The following TBL1X variants were observed in gnomAD, a reference collection of about 807,000 sequenced individuals.
The protein encoded by TBL1X is transducin beta like 1 X-linked, also known as F-box-like/WD repeat-containing protein TBL1X.
In TBL1X, 10 loss-of-function variants were observed where a neutral mutation model predicts 50.7. The observed-to-expected ratio is 0.20, with a 90% CI of 0.12 to 0.33. TBL1X has a LOEUF of 0.33. Among genes scored for constraint, TBL1X ranks in the 10% least tolerant of loss-of-function variants. The probability of loss-of-function intolerance (pLI) is 1.00; values close to 1 mark genes in which losing one functional copy is unlikely to be tolerated. For missense variants in TBL1X, 340 were observed against 504.4 expected (o/e 0.67, Z 3.12); for synonymous variants, 190 against 214.7 (o/e 0.88, Z 1.01).
chrX:9,470,696 A>G (rs1211884260), intron 1 of TBL1X, among the ~76,000 whole-genome samples: 1 of 111,595 alleles, frequency 9.0e-6, no homozygotes, highest in Admixed American at 9.5e-5. Flanking sequence ...GTGCAGTGGC[A>G]TGATCTCTCC....
intron 3 of TBL1X, among the ~76,000 whole-genome samples, chrX:9,650,203 C>T (rs1435428293): frequency 2.7e-5 from 3 of 112,669 alleles, no homozygotes; most frequent in Non-Finnish European, 5.6e-5. Context: ...CTCTAAAGAG[C>T]AATGGTTCTC....
intron 5 of TBL1X, among the ~76,000 whole-genome samples, chrX:9,678,416 C>T (rs752064980): frequency 2.7e-5 from 3 of 112,231 alleles, no homozygotes; most frequent in Non-Finnish European, 5.6e-5. Flanking sequence ...ACTTTATTTA[C>T]ACACACTGGC....
chrX:9,531,670 C>T (rs751349079), intron 2 of TBL1X, among the ~76,000 whole-genome samples: 6 of 109,833 alleles, frequency 5.5e-5, no homozygotes, highest in Non-Finnish European at 1.1e-4. Flanking sequence ...TTTGGGAGGC[C>T]GAGGCGGGAG....
intron 2 of TBL1X, among the ~76,000 whole-genome samples, chrX:9,568,802 G>T (rs2082366895): frequency 9.2e-6 from 1 of 108,404 alleles, no homozygotes; most frequent in South Asian, 4.1e-4. Context: ...TGTCTGGTGT[G>T]CTCTCTGTAT....
At chrX:9,706,515 C>CCAT (rs1315790926) in intron 13 of TBL1X, among the ~76,000 whole-genome samples, 1 of 110,789 alleles carries the variant, frequency 9.0e-6, no homozygotes, top group Non-Finnish European at 1.9e-5. Context: ...AGGCATATGG[C>CCAT]CATCAAACAC....
At chrX:9,672,214 G>T (rs776652026) in intron 5 of TBL1X, among the ~76,000 whole-genome samples, 5 of 112,000 alleles carry the variant, frequency 4.5e-5, no homozygotes, top group Non-Finnish European at 9.4e-5. Flanking sequence ...GTGACGATGT[G>T]AAAATGTCTA....
chrX:9,636,485 A>AAAC (rs60010378), intron 2 of TBL1X: 33,459 of 101,398 alleles, frequency 0.33, 4,539 homozygotes, highest in East Asian at 0.77. Flanking sequence ...AAACAAAGCA[A>AAAC]AACAACAACA....
At chrX:9,468,368 G>C (rs1206255168) in intron 1 of TBL1X, among the ~76,000 whole-genome samples, 2 of 112,425 alleles carry the variant, frequency 1.8e-5, no homozygotes, top group Non-Finnish European at 3.8e-5. Flanking sequence ...TTTGAAGGGA[G>C]CATTTGCCAA....
At chrX:9,671,038 C>G (rs752003129) in intron 5 of TBL1X, among the ~76,000 whole-genome samples, 9 of 112,014 alleles carry the variant, frequency 8.0e-5, no homozygotes, top group Non-Finnish European at 1.5e-4. Context: ...ACAGTAATGT[C>G]TCATGCTTTG....
intron 2 of TBL1X, among the ~76,000 whole-genome samples, chrX:9,522,128 C>A (rs1268481858): frequency 9.2e-6 from 1 of 108,449 alleles, no homozygotes; most frequent in Non-Finnish European, 1.9e-5. Flanking sequence ...AGCGATCCTC[C>A]CACTTCAGCC....
intron 1 of TBL1X, among the ~76,000 whole-genome samples, chrX:9,469,689 G>GACC (rs1161179017): frequency 8.9e-6 from 1 of 112,110 alleles, no homozygotes; most frequent in African/African-American, 3.2e-5. Flanking sequence ...AGATTGGTGT[G>GACC]ACCACCATCA....
intron 5 of TBL1X, among the ~76,000 whole-genome samples, chrX:9,665,503 A>ATATATATATATG (rs2082923672): frequency 3.5e-5 from 1 of 28,531 alleles, no homozygotes; most frequent in Non-Finnish European, 6.4e-5. Flanking sequence ...ATATATATAT[A>ATATATATATATG]TATATATATA....
chrX:9,600,393 C>T (rs952266638), intron 2 of TBL1X, among the ~76,000 whole-genome samples: 3 of 96,811 alleles, frequency 3.1e-5, no homozygotes, highest in Non-Finnish European at 4.0e-5. Flanking sequence ...CCCTCATGAC[C>T]GCATTACCTC....
chrX:9,474,395 A>C (rs1019183231), intron 1 of TBL1X, among the ~76,000 whole-genome samples: 4 of 113,176 alleles, frequency 3.5e-5, no homozygotes, highest in Non-Finnish European at 7.5e-5. Context: ...TTCAGCTACT[A>C]AGGTATGTGT....
Position 9,716,200 on chromosome X carries a change from T to G in TBL1X, c.1708-20T>G. ...TTGTATTGTCTCTCAAGATGACAGG[T>G]GCTTTATCTTTCCTTCCAGGTGTGT... On this transcript the variant is annotated intron_variant, in intron 17 of 17. Coordinates refer to ENST00000645353, the MANE Select transcript of TBL1X (RefSeq NM_005647.4). 2 of 1,209,864 alleles carry G rather than the reference T, an allele frequency of 1.7e-6. No individual in the cohort carries two copies. Among genetic ancestry groups the G allele is most frequent in the Non-Finnish European group, 2.2e-6 (2 of 893,938 alleles).
intron 2 of TBL1X, among the ~76,000 whole-genome samples, chrX:9,527,770 C>T (rs1474881740): frequency 9.1e-6 from 1 of 110,486 alleles, no homozygotes; most frequent in Non-Finnish European, 1.9e-5. Context: ...CACTGTTCCG[C>T]CACCATCACC....
intron 5 of TBL1X, among the ~76,000 whole-genome samples, chrX:9,657,787 GA>G (rs918003380): frequency 8.9e-6 from 1 of 112,616 alleles, no homozygotes; most frequent in African/African-American, 3.2e-5. Flanking sequence ...TCTGAAAGAG[GA>G]AACTGGTTAA....
chrX:9,491,401 C>G (rs1210094645), intron 1 of TBL1X, among the ~76,000 whole-genome samples: 3 of 93,996 alleles, frequency 3.2e-5, no homozygotes, highest in Non-Finnish European at 6.2e-5. Context: ...AGTGTAGTGG[C>G]ATGATCTCGG....
intron 2 of TBL1X, among the ~76,000 whole-genome samples, chrX:9,513,526 A>G (rs1473460568): frequency 8.9e-6 from 1 of 111,856 alleles, no homozygotes; most frequent in Admixed American, 9.5e-5. Flanking sequence ...GCTGCCTGGC[A>G]TGTAGGAGGT....
Sources: allele counts gnomAD v4.1 joint callset (sites outside exome capture counted in the v4.1 genomes callset), GRCh38; gene constraint gnomAD v4.1.1; transcripts MANE v1.5; gene names NCBI Gene and HGNC (gene_info 2026-07-23, HGNC 2026-07-21).